Variants in SPSB4 observed in about 807,000 individuals in gnomAD.
The protein encoded by SPSB4 is splA/ryanodine receptor domain and SOCS box containing 4.
Under a neutral mutation model 20.9 loss-of-function variants are expected in SPSB4, and 21 were observed. The observed-to-expected ratio is 1.01, with a 90% CI of 0.71 to 1.45. The LOEUF is 1.45. Ranked by LOEUF, SPSB4 falls within the 40% of genes most tolerant of loss-of-function variation. SPSB4 has a pLI of 0.00. For synonymous variants in SPSB4, 207 were observed against 183.8 expected, an observed-to-expected ratio of 1.13 and a Z score of -1.02; for missense variants, 399 against 399.2, an observed-to-expected ratio of 1.00 and a Z score of 0.00.
chr3:141,102,395 A>C (rs912504656), intron 2 of SPSB4, among the ~76,000 whole-genome samples: 6 of 152,182 alleles, frequency 3.9e-5, no homozygotes, highest in African/African-American at 1.4e-4. Context: ...GCAGGGTGGC[A>C]TGTCGGGAAG....
intron 2 of SPSB4, among the ~76,000 whole-genome samples, chr3:141,142,616 C>T (rs1939348419): frequency 6.6e-6 from 1 of 152,000 alleles, no homozygotes; most frequent in Admixed American, 6.6e-5. Flanking sequence ...TCTTGGTGAA[C>T]TGTCTAGTGC....
At chr3:141,130,856 T>C (rs1315459038) in intron 2 of SPSB4, among the ~76,000 whole-genome samples, 1 of 152,208 alleles carries the variant, frequency 6.6e-6, no homozygotes, top group Non-Finnish European at 1.5e-5. Flanking sequence ...TGGTCAGTGA[T>C]GGAAAATTAA....
chr3:141,141,515 G>T (rs1387988526), intron 2 of SPSB4, among the ~76,000 whole-genome samples: 1 of 152,188 alleles, frequency 6.6e-6, no homozygotes, highest in Non-Finnish European at 1.5e-5. Flanking sequence ...ACTGCTATTG[G>T]GTTGTGTCTG....
chr3:141,104,905 G>A (rs1938664971), intron 2 of SPSB4, among the ~76,000 whole-genome samples: 1 of 152,198 alleles, frequency 6.6e-6, no homozygotes, highest in Non-Finnish European at 1.5e-5. Flanking sequence ...CTGTGCCCCT[G>A]GGAAGGCCTG....
chr3:141,066,427 A>C lies in SPSB4; in HGVS notation c.323A>C (p.Gln108Pro). The C allele has an allele frequency of 6.6e-7, 1 of 1,515,196 alleles. No individual in the cohort carries two copies. The highest frequency in any genetic ancestry group is 8.8e-7 in the Non-Finnish European group (1 of 1,133,000). 93.9% of individuals were successfully genotyped at this position (1,515,196 alleles called of 1,614,324 possible). A position where few individuals can be genotyped will look rare whatever the true frequency, so the allele number is the denominator to read the frequency against. The change falls in exon 2 of 3, where the codon CAG becomes CCG. Residue 108 changes from glutamine (Q) to proline (P), a missense_variant. Gln to Pro is a moderately conservative substitution (Grantham distance 76). Coordinates refer to ENST00000310546, the MANE Select transcript of SPSB4 (RefSeq NM_080862.3). ...TGGCAGATCAACTGGCCGGCTCGGC[A>C]GCGCGGCACCCACGCTGTAGTTGGT... Reference protein sequence around the residue: ...HAWQINWPARQRGTHAVVGVA... With the variant: ...HAWQINWPARPRGTHAVVGVA...
At chr3:141,075,299 T>C (rs972299418) in intron 2 of SPSB4, among the ~76,000 whole-genome samples, 8 of 152,030 alleles carry the variant, frequency 5.3e-5, no homozygotes, top group Non-Finnish European at 1.2e-4. Flanking sequence ...ATGAAGACCC[T>C]CCATGGCTTC....
At chr3:141,115,295 G>T (rs1233694518) in intron 2 of SPSB4, 1 of 152,216 alleles carries the variant, frequency 6.6e-6, no homozygotes, top group African/African-American at 2.4e-5. Flanking sequence ...CAGTGGCGTT[G>T]GCAGGTACTG....
chr3:141,088,535 T>A (rs1247119578), intron 2 of SPSB4, among the ~76,000 whole-genome samples: 2 of 152,208 alleles, frequency 1.3e-5, no homozygotes, highest in Non-Finnish European at 2.9e-5. Flanking sequence ...CAGTTTTGCT[T>A]TCTCCTAAGC....
intron 2 of SPSB4, among the ~76,000 whole-genome samples, chr3:141,137,998 G>A (rs1356124734): frequency 1.3e-5 from 2 of 152,102 alleles, no homozygotes; most frequent in African/African-American, 2.4e-5. Context: ...ATTAATTATT[G>A]CCTCAATTTC....
chr3:141,104,731 G>T (rs1357641914), intron 2 of SPSB4, among the ~76,000 whole-genome samples: 1 of 152,230 alleles, frequency 6.6e-6, no homozygotes, highest in East Asian at 1.9e-4. Flanking sequence ...CATCACAAGT[G>T]AGCCTTTGTG....
intron 2 of SPSB4, among the ~76,000 whole-genome samples, chr3:141,099,973 G>A (rs1473661771): frequency 2.6e-5 from 4 of 152,220 alleles, no homozygotes; most frequent in Non-Finnish European, 4.4e-5. Context: ...CCACAGTTTT[G>A]TGATAGTGGC....
chr3:141,077,955 TC>T (rs917824021), intron 2 of SPSB4, among the ~76,000 whole-genome samples: 3 of 152,186 alleles, frequency 2.0e-5, no homozygotes, highest in African/African-American at 7.2e-5. Flanking sequence ...TGCCATGGTC[TC>T]CCCCCATCTC....
At chr3:141,133,942 C>T (rs998823672) in intron 2 of SPSB4, among the ~76,000 whole-genome samples, 1 of 148,962 alleles carries the variant, frequency 6.7e-6, no homozygotes, top group Non-Finnish European at 1.5e-5. Flanking sequence ...TCTATGAATT[C>T]TTTCAGCAAT....
chr3:141,052,471 T>G (rs965971762), intron 1 of SPSB4, among the ~76,000 whole-genome samples: 2 of 152,330 alleles, frequency 1.3e-5, no homozygotes, highest in Admixed American at 6.5e-5. Context: ...GTATTATTAT[T>G]AGCTTTGCGA....
chr3:141,054,751 G>T (rs918700506), intron 1 of SPSB4, among the ~76,000 whole-genome samples: 1 of 152,242 alleles, frequency 6.6e-6, no homozygotes, highest in Non-Finnish European at 1.5e-5. Context: ...GGATCGCAAG[G>T]TCAGGAGATC....
intron 2 of SPSB4, among the ~76,000 whole-genome samples, chr3:141,089,900 T>C (rs1195559093): frequency 6.6e-6 from 1 of 152,150 alleles, no homozygotes; most frequent in Non-Finnish European, 1.5e-5. Flanking sequence ...AGAATTGCTT[T>C]TTTTGTTGTT....
At chr3:141,135,978 A>G (rs1939221124) in intron 2 of SPSB4, among the ~76,000 whole-genome samples, 2 of 151,996 alleles carry the variant, frequency 1.3e-5, no homozygotes, top group South Asian at 2.1e-4. Flanking sequence ...AAGTGTTCCT[A>G]TTTCTCCACA....
intron 1 of SPSB4, among the ~76,000 whole-genome samples, chr3:141,063,273 T>C (rs897341418): frequency 1.3e-5 from 2 of 152,230 alleles, no homozygotes; most frequent in Admixed American, 1.3e-4. Context: ...ATGTCTCTTA[T>C]ATGTAGCATA....
At position 141,065,976 on chromosome 3, in the gene SPSB4, G is replaced by C. The variant is rs1181037447; in HGVS notation, c.-129G>C. The C allele has an allele frequency of 4.8e-6, 4 of 838,272 alleles. No homozygotes were observed. The African/African-American group carries it at 7.3e-5, about 15-fold the overall frequency. 51.9% of individuals were successfully genotyped at this position (838,272 alleles called of 1,614,324 possible). Reference sequence around the variant, plus strand: ...GGAGCTTGGGCCCCTGCCGCAGCCCGGTAGAGGCTGTGGAGGTCTACCGTC... The same window carrying C: ...GGAGCTTGGGCCCCTGCCGCAGCCCCGTAGAGGCTGTGGAGGTCTACCGTC... On this transcript the variant is annotated 5_prime_UTR_variant, in exon 2 of 3. Coordinates refer to ENST00000310546, the MANE Select transcript of SPSB4 (RefSeq NM_080862.3).
Sources: gnomAD v4.1 joint callset for allele counts (sites outside exome capture counted in the v4.1 genomes callset) on GRCh38, gnomAD v4.1.1 for gene constraint, MANE v1.5 for transcripts, NCBI Gene and HGNC (gene_info 2026-07-23, HGNC 2026-07-21) for gene names.